The following DGKD variants were observed in gnomAD, a reference collection of about 807,000 sequenced individuals.
DGKD encodes diacylglycerol kinase delta, also known as DAG kinase delta.
In DGKD, 68 loss-of-function variants were observed where a neutral mutation model predicts 154.4. The ratio of observed to expected loss-of-function variants is 0.44; its 90% CI spans 0.36 to 0.54. The LOEUF is 0.54. Among genes scored for constraint, DGKD ranks in the 20% least tolerant of loss-of-function variants. The pLI is 0.00. For missense variants in DGKD, 1,343 were observed against 1,593.6 expected (o/e 0.84, Z 2.68); for synonymous variants, 693 against 638.0 (o/e 1.09, Z -1.30).
intron 1 of DGKD, among the ~76,000 whole-genome samples, chr2:233,360,579 G>C (rs1206900895): frequency 6.6e-6 from 1 of 151,710 alleles, no homozygotes; most frequent in South Asian, 2.1e-4. Context: ...TTTTGAGATA[G>C]GGTCTTGCTA....
intron 1 of DGKD, among the ~76,000 whole-genome samples, chr2:233,361,506 C>T (rs1030741727): frequency 5.3e-5 from 8 of 152,148 alleles, no homozygotes; most frequent in East Asian, 1.9e-4. Context: ...TAAAACCAGT[C>T]GAAACTACAG....
rs118046358 is a variant in DGKD at position 233,400,954 on chromosome 2, A to G, written c.348+10471A>G. Among the ~76,000 whole-genome samples, 30 of 152,274 alleles carry G rather than the reference A, an allele frequency of 2.0e-4. No individual in the cohort carries two copies. The East Asian group carries it at 5.8e-3, about 29-fold the overall frequency. On this transcript the variant is annotated intron_variant, in intron 3 of 29. Transcript: ENST00000264057. ...AAAGTGTGAGCTCCCCAGAGGAATC[A>G]GGGACTCTGTCTTTGAATGTCCAGG... is the stretch of plus-strand genomic sequence containing the variant.
chr2:233,396,315 TCTTACA>T (rs1171070602), intron 3 of DGKD, among the ~76,000 whole-genome samples: 2 of 152,226 alleles, frequency 1.3e-5, no homozygotes, highest in Non-Finnish European at 2.9e-5. Context: ...CCTTCTTTTC[TCTTACA>T]CTTGAAAAAA....
intron 3 of DGKD, chr2:233,419,277 T>C (rs2062042428): frequency 2.0e-6 from 2 of 985,536 alleles, no homozygotes; most frequent in African/African-American, 3.5e-5. Flanking sequence ...GGTACTGATT[T>C]GCTGCTCCAG....
At chr2:233,447,459 T>C in intron 12 of DGKD, 8 of 984,728 alleles carry the variant, frequency 8.1e-6, no homozygotes, top group Non-Finnish European at 9.6e-6. Flanking sequence ...CAGATGTGCC[T>C]GGGCCCACGG....
At position 233,391,008 on chromosome 2, in the gene DGKD, C is replaced by T. The variant is rs542735048; in HGVS notation, c.348+525C>T. ...TTGGCCTCCCAAAATCCTGGGATTA[C>T]AGGTGTGAGCCACCACGCTTTGCTG... is the stretch of plus-strand genomic sequence containing the variant. On this transcript the variant is annotated intron_variant, in intron 3 of 29. Coordinates refer to ENST00000264057, the MANE Select transcript of DGKD (RefSeq NM_152879.3). 3.9e-5 allele frequency among the ~76,000 whole-genome samples: 6 copies of T among 152,340 alleles called. No individual in the cohort carries two copies. The South Asian group carries it at 6.2e-4, about 16-fold the overall frequency.
rs2063967997 is a variant in DGKD at position 233,470,268 on chromosome 2, C to T, written c.*808C>T. On this transcript the variant is annotated 3_prime_UTR_variant, in exon 30 of 30. Transcript: ENST00000264057. ...GAGTGAGACAGCTTGCCAGCTGCAT[C>T]CCTGCAGACAGAGGATGTGTGTCCA... 1 of 152,486 alleles carries T rather than the reference C, an allele frequency of 6.6e-6. No individual in the cohort carries two copies. The highest frequency in any genetic ancestry group is 1.5e-5 in the Non-Finnish European group (1 of 68,118). 9.4% of individuals were successfully genotyped at this position (152,486 alleles called of 1,614,324 possible).
intron 18 of DGKD, chr2:233,454,456 C>A (rs755499782): frequency 2.1e-6 from 1 of 484,926 alleles, no homozygotes; most frequent in South Asian, 1.6e-5. Flanking sequence ...ACGAGAGGCG[C>A]CAGGGATGGT....
At chr2:233,393,919 G>A (rs1307701856) in intron 3 of DGKD, among the ~76,000 whole-genome samples, 1 of 151,630 alleles carries the variant, frequency 6.6e-6, no homozygotes, top group African/African-American at 2.4e-5. Context: ...TGACCTCAGT[G>A]CCCACCTTGG....
chr2:233,446,933 G>A (rs1016318624), intron 12 of DGKD, 137 bp downstream of exon 12: 35 of 1,008,510 alleles, frequency 3.5e-5, no homozygotes, highest in African/African-American at 4.8e-5. Flanking sequence ...CTGCGGAGGC[G>A]CAGGGTGAAC....
chr2:233,461,300 T>G (rs1023538662), intron 24 of DGKD, among the ~76,000 whole-genome samples: 2 of 152,244 alleles, frequency 1.3e-5, no homozygotes, highest in Admixed American at 6.5e-5. Flanking sequence ...TTCTCCTGGC[T>G]GTGGACAGGT....
In DGKD at chr2:233,456,416, T is replaced by C. The variant is rs558016750; in HGVS notation, c.2376-483T>C. On this transcript the variant is annotated intron_variant, in intron 19 of 29. Transcript: ENST00000264057. ...ACAAGTTACTGCAACTGGAAATTAA[T>C]ATGCAAAGAAGACTGAGGAAATACA... Among the ~76,000 whole-genome samples the C allele has an allele frequency of 3.9e-5, 6 of 152,356 alleles. No homozygotes were observed. In the South Asian group the frequency reaches 1.2e-3, roughly 32 times the overall value.
At chr2:233,372,517 T>A (rs559026621) in intron 1 of DGKD, among the ~76,000 whole-genome samples, 1 of 152,214 alleles carries the variant, frequency 6.6e-6, no homozygotes, top group African/African-American at 2.4e-5. Flanking sequence ...CTCCTTTCTC[T>A]CTGTGGTTGC....
intron 3 of DGKD, among the ~76,000 whole-genome samples, chr2:233,401,245 G>A (rs1575048887): frequency 6.6e-6 from 1 of 152,254 alleles, no homozygotes; most frequent in East Asian, 1.9e-4. Flanking sequence ...ATGAGTTAAT[G>A]AATGTAGGCA....
At chr2:233,404,147 T>C (rs1329406018) in intron 3 of DGKD, among the ~76,000 whole-genome samples, 1 of 147,356 alleles carries the variant, frequency 6.8e-6, no homozygotes, top group Non-Finnish European at 1.5e-5. Context: ...TAATTTTGTA[T>C]TTTGGCTTTA....
rs758897161 is a variant in DGKD at position 233,462,470 on chromosome 2, T to C, written c.3093+11T>C. On this transcript the variant is annotated intron_variant, in intron 25 of 29. Transcript: ENST00000264057. ...CCCAGAACCACAGAGGTAGCTATTC[T>C]GGCCTTTTCAGTCCTGGCTTCTTCT... 1 of 1,590,530 alleles carries C rather than the reference T, an allele frequency of 6.3e-7. No individual in the cohort carries two copies. Among genetic ancestry groups the C allele is most frequent in the South Asian group, 1.1e-5 (1 of 90,420 alleles).
intron 27 of DGKD, among the ~76,000 whole-genome samples, chr2:233,465,891 A>G (rs1559187179): frequency 6.6e-6 from 1 of 152,140 alleles, no homozygotes; most frequent in Non-Finnish European, 1.5e-5. Flanking sequence ...AAGATTAATA[A>G]TAATTAAAAC....
At chr2:233,372,430 C>T (rs1370141014) in intron 1 of DGKD, among the ~76,000 whole-genome samples, 1 of 152,010 alleles carries the variant, frequency 6.6e-6, no homozygotes, top group Non-Finnish European at 1.5e-5. Context: ...TTGACATTCT[C>T]AGTATTTGAA....
chr2:233,466,829 C>T (rs1025860494), intron 27 of DGKD, among the ~76,000 whole-genome samples: 11 of 152,148 alleles, frequency 7.2e-5, no homozygotes, highest in Non-Finnish European at 1.3e-4. Flanking sequence ...TCATGAGAAA[C>T]GCACATGTAA....
Sources: gnomAD v4.1 joint callset for allele counts (sites outside exome capture counted in the v4.1 genomes callset) on GRCh38, gnomAD v4.1.1 for gene constraint, MANE v1.5 for transcripts, NCBI Gene and HGNC (gene_info 2026-07-23, HGNC 2026-07-21) for gene names.